Variants in COL12A1 observed in about 807,000 individuals in gnomAD.
COL12A1 encodes collagen alpha-1(XII) chain.
Under a neutral mutation model 349.7 loss-of-function variants are expected in COL12A1, and 114 were observed. The ratio of observed to expected loss-of-function variants is 0.33; its 90% CI spans 0.28 to 0.38. The LOEUF is 0.38. COL12A1 is among the 10% of genes least tolerant of loss of function. The probability of loss-of-function intolerance (pLI) is 1.00; values close to 1 mark genes in which losing one functional copy is unlikely to be tolerated. For missense variants in COL12A1, 3,284 were observed against 3,756.9 expected (o/e 0.87, Z 3.29); for synonymous variants, 1,369 against 1,329.0 (o/e 1.03, Z -0.66).
rs191161717 is a variant in COL12A1, at chr6:75,131,416, T to A, written c.5938-435A>T. 4.1e-4 allele frequency among the ~76,000 whole-genome samples: 62 copies of A among 152,314 alleles called. 1 individual carries two copies. The highest frequency in any genetic ancestry group is 3.4e-3 in the Middle Eastern group (1 of 294). On this transcript the variant is annotated intron_variant, in intron 35 of 65. Transcript: ENST00000322507. ...GTCCTACCATACATGGGCATGAAAATCAGTGTTCTTGCCAAATGCATATAT... is the reference window on the plus strand; with the variant it reads ...GTCCTACCATACATGGGCATGAAAAACAGTGTTCTTGCCAAATGCATATAT...
At position 75,165,721 on chromosome 6, in the gene COL12A1, A is replaced by T. The variant is rs1159217286; in HGVS notation, c.2769T>A (p.Ala923=). 1 of 1,613,910 alleles carries T rather than the reference A, an allele frequency of 6.2e-7. No homozygotes were observed. The highest frequency in any genetic ancestry group is 1.3e-5 in the African/African-American group (1 of 74,932). Residue 923 remains alanine (A), a synonymous_variant, in exon 14 of 66, where the codon GCT becomes GCA. Transcript: ENST00000322507. ...TKDITDTSIG[A]YWTSAPGMVR... Reference sequence around the variant, plus strand: ...CCATTCCTGGAGCAGATGTCCAATAAGCCCCAATTGATGTGTCAGTGATGT... The same window carrying T: ...CCATTCCTGGAGCAGATGTCCAATATGCCCCAATTGATGTGTCAGTGATGT...
chr6:75,205,276 G>A (rs1266591127), intron 1 of COL12A1, among the ~76,000 whole-genome samples: 4 of 150,742 alleles, frequency 2.7e-5, no homozygotes, highest in African/African-American at 7.3e-5. Context: ...CTAGGAATCT[G>A]TTACGAGATG....
intron 14 of COL12A1, among the ~76,000 whole-genome samples, chr6:75,157,842 A>G (rs1767836463): frequency 6.6e-6 from 1 of 152,178 alleles, no homozygotes; most frequent in Non-Finnish European, 1.5e-5. Flanking sequence ...ACAGGGTTAG[A>G]AATGTTCCCC....
rs1767268002 is a variant in COL12A1 at position 75,147,677 on chromosome 6, G to GT, written c.4414dup (p.Thr1472AsnfsTer13). ...AACAATTTTTTAATCTGACTCACAG[G>GT]TTTTTTCTGTCCCCTTCAGAGGCTC... On this transcript the variant is annotated frameshift_variant, in exon 23 of 66. Transcript: ENST00000322507. LOFTEE classifies it high-confidence loss of function. The GT allele has an allele frequency of 6.3e-7, 1 of 1,596,112 alleles. No homozygotes were observed. The highest frequency in any genetic ancestry group is 8.5e-7 in the Non-Finnish European group (1 of 1,173,674).
In COL12A1 at chr6:75,138,932, T is replaced by C; in HGVS notation, c.4987A>G (p.Ile1663Val). Residue 1663 changes from isoleucine to valine, a missense_variant, in exon 28 of 66, where the codon ATT (isoleucine) becomes GTT (valine). By Grantham distance (29) the Ile-to-Val change is conservative. Coordinates refer to ENST00000322507, the MANE Select transcript of COL12A1 (RefSeq NM_004370.6). ...AAACCCTCTGATGTTACTTCAGTAA[T>C]CTTTAAGTTTGTTGGGGCTGGCACG... is the stretch of plus-strand genomic sequence containing the variant. ...RPVPAPTNLK[I>V]TEVTSEGFRG... 1 of 1,614,048 alleles carries C rather than the reference T, an allele frequency of 6.2e-7. No homozygotes were observed. The highest frequency in any genetic ancestry group is 1.3e-5 in the African/African-American group (1 of 75,028).
At position 75,177,803 on chromosome 6, in the gene COL12A1, C is replaced by A; in HGVS notation, c.2297G>T (p.Arg766Ile). ...IYRPVAGGES[R>I]EVTTPPNQRR... ...CTGATTGGGTGGGGTGGTAACTTCT[C>A]TGCTCTCTCCACCAGCAACTGGTCT... The change falls in exon 12 of 66, where the codon AGA becomes ATA. Residue 766 changes from arginine (R) to isoleucine (I), a missense_variant. This residue lies in a region of COL12A1 where 2,601 missense variants were observed against 2,824.8 expected (regional missense o/e 0.92). Transcript: ENST00000322507. 1 of 1,614,118 alleles carries A rather than the reference C, an allele frequency of 6.2e-7. No homozygotes were observed. Among genetic ancestry groups the A allele is most frequent in the African/African-American group, 1.3e-5 (1 of 75,026 alleles).
At chr6:75,131,859 G>T in intron 35 of COL12A1, 81 bp downstream of exon 35, 2 of 1,497,640 alleles carry the variant, frequency 1.3e-6, no homozygotes, top group Non-Finnish European at 9.1e-7. Flanking sequence ...TGTGGTTTGT[G>T]TTCTCCCAGG....
In COL12A1 at chr6:75,090,320, G is replaced by A. The variant is rs375925720; in HGVS notation, c.8753-22C>T. 5 of 1,585,240 alleles carry A rather than the reference G, an allele frequency of 3.2e-6. No individual in the cohort carries two copies. The highest frequency in any genetic ancestry group is 1.7e-4 in the Middle Eastern group (1 of 5,944). ...TGACCTACAAGCAGAAATAAGGCTT[G>A]TTAGTAAGAAACCCAATAAAGGACG... On this transcript the variant is annotated intron_variant, in intron 62 of 65. Transcript: ENST00000322507. This position sits in a 1 kb window ranked among gnomAD's most constrained non-coding sequence, Gnocchi z 4.1.
intron 37 of COL12A1, among the ~76,000 whole-genome samples, chr6:75,129,628 G>A (rs545256740): frequency 5.9e-5 from 9 of 152,216 alleles, no homozygotes; most frequent in South Asian, 4.2e-4. Context: ...AAAGTGTACC[G>A]CAAAATGTTA....
Position 75,180,991 on chromosome 6 carries a change from C to G in COL12A1, c.2112G>C (p.Glu704Asp), listed in dbSNP as rs1336089764. ...ETLYLVNVTA[E>D]YEDGFSIPLA... ...AGGGAATGCTGAAGCCATCCTCATA[C>G]TCCGCAGTCACATTGACCAAATACA... Residue 704 changes from glutamate (E) to aspartate (D), a missense_variant, in exon 11 of 66, where the codon GAG becomes GAC. By Grantham distance (45) the Glu-to-Asp change is conservative. Around this residue, in one of 2 missense-constraint regions of COL12A1, gnomAD observed 2,601 missense variants for 2,824.8 expected, o/e 0.92. Transcript: ENST00000322507. 11 of 1,614,150 alleles carry G rather than the reference C, an allele frequency of 6.8e-6. No homozygotes were observed. The highest frequency in any genetic ancestry group is 9.3e-6 in the Non-Finnish European group (11 of 1,180,034).
rs367865394 is a variant in COL12A1 at position 75,145,396 on chromosome 6, C to A, written c.4620G>T (p.Glu1540Asp). Residue 1540 changes from glutamate (E) to aspartate (D), a missense_variant, in exon 25 of 66, where the codon GAG becomes GAT. Physicochemically the swap from Glu to Asp is conservative, Grantham distance 45. This residue lies in a region of COL12A1 where 2,601 missense variants were observed against 2,824.8 expected (regional missense o/e 0.92). Transcript: ENST00000322507. ...GGACAGCCTGGACTGTGACTGCATA[C>A]TCCGTGTTGGGAACAAGGTCAGTCA... ...MQLTDLVPNT[E>D]YAVTVQAVLH... is the part of the protein sequence containing the mutation. 29 of 1,613,914 alleles carry A rather than the reference C, an allele frequency of 1.8e-5. No homozygotes were observed. The African/African-American group carries it at 3.2e-4, about 18-fold the overall frequency.
At position 75,123,379 on chromosome 6, in the gene COL12A1, T is replaced by C. The variant is rs1275602781; in HGVS notation, c.6897A>G (p.Thr2299=). The part of the protein sequence containing the change: ...HTTVKPTEAP[T]EPPTPPPPPT... ...GAGGGGGAGGAGGTGTGGGTGGCTC[T>C]GTAGGGGCTTCTGTTGGTTTCACAG... The change falls in exon 43 of 66, where the codon ACA becomes ACG. Residue 2299 remains threonine (T), a synonymous_variant. Coordinates refer to ENST00000322507, the MANE Select transcript of COL12A1 (RefSeq NM_004370.6). 6.3e-7 allele frequency: 1 copy of C among 1,597,458 alleles called. No homozygotes were observed. Among genetic ancestry groups the C allele is most frequent in the South Asian group, 1.1e-5 (1 of 88,028 alleles).
intron 13 of COL12A1, among the ~76,000 whole-genome samples, chr6:75,169,218 GCTCCAGACATCAGTAA>G (rs1382887908): frequency 6.6e-6 from 1 of 152,162 alleles, no homozygotes; most frequent in Admixed American, 6.5e-5. Context: ...AATCTGAGGA[GCTCCAGACATCAGTAA>G]CTACAGGAAG....
intron 13 of COL12A1, among the ~76,000 whole-genome samples, chr6:75,174,280 A>G (rs566780418): frequency 9.2e-5 from 14 of 152,292 alleles, no homozygotes; most frequent in East Asian, 1.9e-4. Flanking sequence ...ATTCTTGGCC[A>G]GGCGCGGTGG....
intron 13 of COL12A1, among the ~76,000 whole-genome samples, chr6:75,168,566 T>A (rs747053230): frequency 3.3e-5 from 5 of 152,160 alleles, no homozygotes; most frequent in Non-Finnish European, 7.4e-5. Context: ...ATAAACAGAA[T>A]TGCCTGAAAA....
At chr6:75,151,072 C>A in intron 21 of COL12A1, 69 bp downstream of exon 21, 4 of 662,820 alleles carry the variant, frequency 6.0e-6, no homozygotes, top group Non-Finnish European at 6.9e-6. Context: ...TCCCCCCCAC[C>A]CAAAAGAATA....
intron 58 of COL12A1, 81 bp from the exon 59 acceptor site, chr6:75,097,387 C>CTTCA (rs935433799): frequency 1.9e-6 from 2 of 1,076,750 alleles, no homozygotes; most frequent in Non-Finnish European, 1.4e-6. Context: ...GTTGCTAAAG[C>CTTCA]TGAAGGCTGA....
chr6:75,098,211 T>C (rs747123828), intron 58 of COL12A1, among the ~76,000 whole-genome samples: 2 of 152,216 alleles, frequency 1.3e-5, no homozygotes, highest in Non-Finnish European at 2.9e-5. Flanking sequence ...TACCCTGCCA[T>C]ACATACAGAC....
At position 75,119,033 on chromosome 6, in the gene COL12A1, A is replaced by C. The variant is rs199945254; in HGVS notation, c.7354+10T>G. 1 of 1,613,222 alleles carries C rather than the reference A, an allele frequency of 6.2e-7. No homozygotes were observed. Among genetic ancestry groups the C allele is most frequent in the African/African-American group, 1.3e-5 (1 of 74,874 alleles). On this transcript the variant is annotated intron_variant, in intron 46 of 65. Coordinates refer to ENST00000322507, the MANE Select transcript of COL12A1 (RefSeq NM_004370.6). The stretch of plus-strand genomic sequence containing the variant: ...ATTTCAAGTGCAATCAAATTCATGT[A>C]TGTGCTTGCCTGACTGCTGGATGAC...
Sources: gnomAD v4.1 joint callset for allele counts (sites outside exome capture counted in the v4.1 genomes callset) on GRCh38, gnomAD v4.1.1 for gene constraint, gnomAD v4.1.1 regional missense constraint, Gnocchi (gnomAD v3.1) non-coding constraint, MANE v1.5 for transcripts, NCBI Gene and HGNC (gene_info 2026-07-23, HGNC 2026-07-21) for gene names.